The following GYG1 variants were observed in gnomAD, a reference collection of about 807,000 sequenced individuals.
The protein encoded by GYG1 is glycogenin-1.
Under a neutral mutation model 41.9 loss-of-function variants are expected in GYG1, and 44 were observed. The ratio of observed to expected loss-of-function variants is 1.05; its 90% confidence interval spans 0.83 to 1.35. GYG1 has a LOEUF of 1.35. Ranked by LOEUF, GYG1 falls within the 40% of genes most tolerant of loss-of-function variation. The pLI is 0.00. For synonymous variants in GYG1, 141 were observed against 158.1 expected (o/e 0.89, Z 0.81); for missense variants, 429 against 418.9 (o/e 1.02, Z -0.21).
intron 2 of GYG1, 115 bp from the exon 3 acceptor site, chr3:148,996,187 C>A: frequency 1.2e-6 from 1 of 806,796 alleles, no homozygotes; most frequent in Non-Finnish European, 2.2e-6. Flanking sequence ...TCTACCAAAG[C>A]AATACATTGT....
intron 5 of GYG1, among the ~76,000 whole-genome samples, chr3:149,018,624 A>T (rs1022305554): frequency 2.8e-4 from 43 of 152,004 alleles, no homozygotes; most frequent in African/African-American, 9.2e-4. Context: ...CCCACCCCCA[A>T]AGGGCTCTTG....
At position 149,005,856 on chromosome 3, in the gene GYG1, A is replaced by T. The variant is rs77633790; in HGVS notation, c.482-3420A>T. Among the ~76,000 whole-genome samples, 8 of 152,336 alleles carry T rather than the reference A, an allele frequency of 5.3e-5. No homozygotes were observed. The East Asian group carries it at 1.5e-3, about 29-fold the overall frequency. ...TGTTTTCCCCTAATGGTAGTACCTT[A>T]CATAACTAAAATGTATTGCCCCAAC... On this transcript the variant is annotated intron_variant, in intron 4 of 7. Coordinates refer to ENST00000345003, the MANE Select transcript of GYG1 (RefSeq NM_004130.4).
At chr3:148,995,002 G>A (rs770399659) in intron 2 of GYG1, among the ~76,000 whole-genome samples, 21 of 152,120 alleles carry the variant, frequency 1.4e-4, no homozygotes, top group Admixed American at 3.9e-4. Context: ...CCAACATGGC[G>A]AAACCCGTCT....
chr3:149,010,327 C>CCT lies in GYG1; in HGVS notation c.608+925_608+926insCT, dbSNP rs1259991979. 2.2e-4 allele frequency among the ~76,000 whole-genome samples: 28 copies of CCT among 129,458 alleles called. 1 individual carries two copies. The highest frequency in any genetic ancestry group is 8.4e-4 in the African/African-American group (27 of 32,096). The allele number at this position is 129,458 out of a possible 152,430, so 84.9% of individuals were successfully genotyped here. On this transcript the variant is annotated intron_variant, in intron 5 of 7. Transcript: ENST00000345003. Reference sequence around the variant, plus strand: ...AGCACGCACAGTCCCTGGTGCAGTTCTTTTTTTTTTTTTTTTTTGAGACGA... The same window carrying CCT: ...AGCACGCACAGTCCCTGGTGCAGTTCCTTTTTTTTTTTTTTTTTTTGAGACGA...
chr3:149,000,853 T>C (rs748277014), intron 4 of GYG1: 3 of 152,182 alleles, frequency 2.0e-5, no homozygotes, highest in Non-Finnish European at 4.4e-5. Context: ...AGTAGCAGAA[T>C]ATTAGGTATG....
intron 7 of GYG1, 82 bp downstream of exon 7, chr3:149,026,584 GA>G: frequency 1.9e-6 from 2 of 1,058,132 alleles, no homozygotes; most frequent in Non-Finnish European, 3.0e-6. Flanking sequence ...ATTTTGTTAG[GA>G]AAAAATCATA....
chr3:149,003,163 T>C (rs1713194046), intron 4 of GYG1, among the ~76,000 whole-genome samples: 2 of 150,506 alleles, frequency 1.3e-5, no homozygotes, highest in South Asian at 4.2e-4. Flanking sequence ...TTGCCCAGGC[T>C]GGAGTGCAAT....
At chr3:149,025,106 C>G (rs938577580) in intron 6 of GYG1, among the ~76,000 whole-genome samples, 5 of 152,262 alleles carry the variant, frequency 3.3e-5, no homozygotes, top group African/African-American at 1.2e-4. Context: ...CTAACACTTG[C>G]ATTCTTACTC....
chr3:149,016,788 T>C (rs1190202229), intron 5 of GYG1, among the ~76,000 whole-genome samples: 1 of 152,110 alleles, frequency 6.6e-6, no homozygotes, highest in Non-Finnish European at 1.5e-5. Context: ...CTAACTTAGA[T>C]TGTGAGTGCG....
Position 149,024,176 on chromosome 3 carries a change from G to A in GYG1, c.732G>A (p.Glu244=). Residue 244 remains glutamate (E), a synonymous_variant, in exon 6 of 8, where the codon GAG becomes GAA. Transcript: ENST00000345003. ...EAHDPNMTHP[E]FLILWWNIFT... is the part of the protein sequence containing the mutation. Reference sequence around the variant, plus strand: ...ATGATCCCAACATGACTCATCCAGAGTTTCTCATCCTGTGGTGGAACATCT... The same window carrying A: ...ATGATCCCAACATGACTCATCCAGAATTTCTCATCCTGTGGTGGAACATCT... 2 of 1,613,946 alleles carry A rather than the reference G, an allele frequency of 1.2e-6. No homozygotes were observed. The highest frequency in any genetic ancestry group is 1.7e-6 in the Non-Finnish European group (2 of 1,179,824).
chr3:148,995,267 G>A (rs1365782747), intron 2 of GYG1, among the ~76,000 whole-genome samples: 1 of 152,148 alleles, frequency 6.6e-6, no homozygotes, highest in Non-Finnish European at 1.5e-5. Flanking sequence ...GTCTCTAGTA[G>A]TAACTTAAAA....
chr3:149,007,974 C>G (rs1713496807), intron 4 of GYG1: 2 of 152,224 alleles, frequency 1.3e-5, no homozygotes. Context: ...GAATGAATGG[C>G]CATGATCCCC....
At chr3:149,011,668 A>G (rs1340605935) in intron 5 of GYG1, among the ~76,000 whole-genome samples, 2 of 152,202 alleles carry the variant, frequency 1.3e-5, no homozygotes, top group African/African-American at 2.4e-5. Flanking sequence ...CCTTTCTCTC[A>G]AGAACCCAGT....
At chr3:149,019,416 C>G (rs1018400610) in intron 5 of GYG1, among the ~76,000 whole-genome samples, 2 of 152,204 alleles carry the variant, frequency 1.3e-5, no homozygotes, top group African/African-American at 2.4e-5. Context: ...GCTCACCTCT[C>G]CCATCTCTCC....
intron 4 of GYG1, among the ~76,000 whole-genome samples, chr3:149,002,254 T>C (rs908947932): frequency 6.6e-6 from 1 of 152,236 alleles, no homozygotes; most frequent in African/African-American, 2.4e-5. Context: ...ATAAAGTTTA[T>C]ATTCTGAGAC....
chr3:148,997,051 ATATTGTGTG>A, intron 4 of GYG1, 147 bp downstream of exon 4: 1 of 633,688 alleles, frequency 1.6e-6, no homozygotes, highest in Admixed American at 2.4e-5. Context: ...CTTCTGGGAA[ATATTGTGTG>A]TGTGTGTGTG....
intron 5 of GYG1, among the ~76,000 whole-genome samples, chr3:149,019,477 A>G (rs3772567): frequency 0.033 from 5,060 of 152,286 alleles, 101 homozygotes; most frequent in Middle Eastern, 0.071. Context: ...GCCTTAGGGC[A>G]GAAAAAGCAG....
chr3:149,027,857 G>A lies in GYG1; in HGVS notation c.*924G>A, dbSNP rs1400996072. ...AACAAACCGAGATCAAACTTACATA[G>A]TGTCATCCACACTGCACCTCTCTAT... On this transcript the variant is annotated 3_prime_UTR_variant, in exon 8 of 8. Transcript: ENST00000345003. 1.3e-5 allele frequency among the ~76,000 whole-genome samples: 2 copies of A among 152,166 alleles called. No individual in the cohort carries two copies. Among genetic ancestry groups the A allele is most frequent in the Non-Finnish European group, 2.9e-5 (2 of 68,034 alleles).
intron 4 of GYG1, chr3:149,004,097 T>G (rs970594033): frequency 6.6e-6 from 1 of 152,214 alleles, no homozygotes; most frequent in Non-Finnish European, 1.5e-5. Context: ...GAAGGATGAT[T>G]CAGAATGAGA....
Sources: gnomAD v4.1 joint callset for allele counts (sites outside exome capture counted in the v4.1 genomes callset) on GRCh38, gnomAD v4.1.1 for gene constraint, MANE v1.5 for transcripts, NCBI Gene and HGNC (gene_info 2026-07-23, HGNC 2026-07-21) for gene names.